CLDN2: variants seen among roughly 807,000 people sequenced by gnomAD.
The protein encoded by CLDN2 is claudin-2.
In CLDN2, 1 loss-of-function variant was observed where a neutral mutation model predicts 8.2. The ratio of observed to expected loss-of-function variants is 0.12; its 90% confidence interval spans 0.04 to 0.58. The LOEUF is 0.58. Among genes scored for constraint, CLDN2 ranks in the 20% least tolerant of loss-of-function variants. The pLI, the probability that CLDN2 is intolerant of heterozygous loss-of-function variation, is 0.90. For missense variants in CLDN2, 108 were observed against 172.9 expected, an observed-to-expected ratio of 0.62 and a Z score of 2.11; for synonymous variants, 70 against 70.2, an observed-to-expected ratio of 1.00 and a Z score of 0.01.
chrX:106,907,375 G>A (rs746377906), intron 1 of CLDN2, among the ~76,000 whole-genome samples: 8 of 111,703 alleles, frequency 7.2e-5, no homozygotes, highest in Non-Finnish European at 1.1e-4. Flanking sequence ...AACTTTACTA[G>A]GAAAGTTTTT....
intron 1 of CLDN2, among the ~76,000 whole-genome samples, chrX:106,925,238 T>G (rs1435476674): frequency 1.8e-5 from 2 of 111,790 alleles, no homozygotes; most frequent in African/African-American, 6.5e-5. Context: ...AAACACTACA[T>G]AAGTGTTGCT....
At chrX:106,913,697 C>T (rs1034054254), upstream of CLDN2, among the ~76,000 whole-genome samples, 2 of 110,859 alleles carry the variant, frequency 1.8e-5, no homozygotes, top group African/African-American at 6.6e-5. Flanking sequence ...TTAGCTGAGC[C>T]GGGCTCTTAT....
chrX:106,929,151 C>T lies in CLDN2; in HGVS notation c.*230C>T, dbSNP rs1349375470. 1.6e-5 allele frequency: 7 copies of T among 425,016 alleles called. No homozygotes were observed. The highest frequency in any genetic ancestry group is 1.5e-4 in the African/African-American group (6 of 40,031). The allele number at this position is 425,016 out of a possible 1,213,427, so 35.0% of individuals were successfully genotyped here. On this transcript the variant is annotated 3_prime_UTR_variant, in exon 2 of 2. Transcript: ENST00000336803. ...CATGCCAGCCTTTCTGTTTTCCTCACCTTGCTGCTCCCCTGCCCTAAGTCC... is the reference window on the plus strand; with the variant it reads ...CATGCCAGCCTTTCTGTTTTCCTCATCTTGCTGCTCCCCTGCCCTAAGTCC...
intron 1 of CLDN2, among the ~76,000 whole-genome samples, chrX:106,909,996 C>T (rs1443425130): frequency 9.0e-6 from 1 of 111,470 alleles, no homozygotes; most frequent in South Asian, 3.8e-4. Context: ...ACGTCACTCC[C>T]AGCTGGGCTC....
chrX:106,912,696 A>AT (rs754004018), intron 1 of CLDN2, among the ~76,000 whole-genome samples: 51 of 104,102 alleles, frequency 4.9e-4, no homozygotes, highest in Admixed American at 8.2e-4. Context: ...GGAGCACTTT[A>AT]TTTTTTTTTT....
chrX:106,902,197 C>A, intron 1 of CLDN2: 2 of 1,184,480 alleles, frequency 1.7e-6, no homozygotes, highest in Non-Finnish European at 2.3e-6. Flanking sequence ...ACAGCCAGGG[C>A]CTCCAGAGAC....
upstream of CLDN2, among the ~76,000 whole-genome samples, chrX:106,919,220 A>C (rs1222207018): frequency 8.9e-6 from 1 of 111,768 alleles, no homozygotes; most frequent in Non-Finnish European, 1.9e-5. Flanking sequence ...AACAAATCCC[A>C]TCGATATCTT....
At chrX:106,900,533 T>C in intron 1 of CLDN2, 1 of 564,066 alleles carries the variant, frequency 1.8e-6, no homozygotes, top group East Asian at 4.2e-5. Flanking sequence ...GGCAGCTAGA[T>C]GACCCAATTT....
chrX:106,913,854 C>A (rs2147789724), upstream of CLDN2, among the ~76,000 whole-genome samples: 1 of 110,438 alleles, frequency 9.1e-6, no homozygotes, highest in African/African-American at 3.3e-5. Flanking sequence ...ACCTACACTC[C>A]TTCTTACGCA....
intron 1 of CLDN2, among the ~76,000 whole-genome samples, chrX:106,911,695 GC>G (rs1933249514): frequency 8.9e-6 from 1 of 112,523 alleles, no homozygotes; most frequent in Non-Finnish European, 1.9e-5. Flanking sequence ...TAAGAAGCAA[GC>G]CTTTCTATCG....
At chrX:106,924,279 A>C (rs1381602406) in intron 1 of CLDN2, among the ~76,000 whole-genome samples, 1 of 110,890 alleles carries the variant, frequency 9.0e-6, no homozygotes, top group African/African-American at 3.3e-5. Flanking sequence ...ATAGCTGCAC[A>C]GGGAGGAGGT....
At chrX:106,903,379 C>A in intron 1 of CLDN2, 1 of 932,102 alleles carries the variant, frequency 1.1e-6, no homozygotes, top group Non-Finnish European at 1.4e-6. Flanking sequence ...ATAAGCCCTG[C>A]CTGGTCTTAT....
intron 1 of CLDN2, among the ~76,000 whole-genome samples, chrX:106,905,156 C>T (rs1933162873): frequency 8.9e-6 from 1 of 112,551 alleles, no homozygotes; most frequent in Non-Finnish European, 1.9e-5. Context: ...TGAGATTACA[C>T]TTGTTCTGGG....
At chrX:106,917,006 T>C (rs533515341), upstream of CLDN2, among the ~76,000 whole-genome samples, 2 of 112,318 alleles carry the variant, frequency 1.8e-5, no homozygotes, top group Non-Finnish European at 3.8e-5. Flanking sequence ...GCTGTGATCA[T>C]GCCACTTGCA....
chrX:106,902,985 T>C lies in CLDN2; in HGVS notation c.-179+2481T>C. On this transcript the variant is annotated intron_variant, in intron 1 of 1. Coordinates refer to the CLDN2 transcript ENST00000541806. ...GTGAGGTGAAAAGTCAGATGAGATATTCCAGCTAGAGTTGAGGAGGGAGGG... is the reference window on the plus strand; with the variant it reads ...GTGAGGTGAAAAGTCAGATGAGATACTCCAGCTAGAGTTGAGGAGGGAGGG... 3 of 596,679 alleles carry C rather than the reference T, an allele frequency of 5.0e-6. No individual in the cohort carries two copies. The South Asian group carries it at 9.3e-5, about 19-fold the overall frequency. The allele number at this position is 596,679 out of a possible 1,213,427, so 49.2% of individuals were successfully genotyped here.
At chrX:106,911,813 T>G (rs1422396519) in intron 1 of CLDN2, among the ~76,000 whole-genome samples, 1 of 111,692 alleles carries the variant, frequency 9.0e-6, no homozygotes, top group Non-Finnish European at 1.9e-5. Flanking sequence ...TTGACACAGG[T>G]AGTTGGTCTG....
intron 1 of CLDN2, among the ~76,000 whole-genome samples, chrX:106,908,870 G>A (rs1933212896): frequency 8.9e-6 from 1 of 112,103 alleles, no homozygotes; most frequent in Non-Finnish European, 1.9e-5. Flanking sequence ...CTTACTGTGG[G>A]TCACAGTCAA....
chrX:106,924,266 G>C (rs1933434880), intron 1 of CLDN2, among the ~76,000 whole-genome samples: 1 of 110,939 alleles, frequency 9.0e-6, no homozygotes, highest in Admixed American at 9.6e-5. Context: ...CAAGATAGGA[G>C]TAATAGCTGC....
At chrX:106,919,695 G>A (rs761247256), upstream of CLDN2, among the ~76,000 whole-genome samples, 1 of 112,252 alleles carries the variant, frequency 8.9e-6, no homozygotes, top group South Asian at 3.7e-4. Context: ...CGTTGGCCAG[G>A]CTGTTTTCGA....
Sources: allele counts gnomAD v4.1 joint callset (sites outside exome capture counted in the v4.1 genomes callset), GRCh38; gene constraint gnomAD v4.1.1; transcripts MANE v1.5; gene names NCBI Gene and HGNC (gene_info 2026-07-23, HGNC 2026-07-21).